SLCO1B3: variants seen among roughly 807,000 people sequenced by gnomAD.
SLCO1B3 encodes liver-specific organic anion transporter 2.
In SLCO1B3, 72 loss-of-function variants were observed where a neutral mutation model predicts 71.8. The ratio of observed to expected loss-of-function variants is 1.00; its 90% CI spans 0.83 to 1.22. SLCO1B3 has a LOEUF of 1.22. Among genes scored for constraint, SLCO1B3 ranks in the 50% most tolerant of loss-of-function variants. SLCO1B3 has a pLI of 0.00. For missense variants in SLCO1B3, 911 were observed against 819.7 expected, an observed-to-expected ratio of 1.11 and a Z score of -1.36; for synonymous variants, 298 against 278.4, an observed-to-expected ratio of 1.07 and a Z score of -0.70.
chr12:20,857,219 T>G (rs1865158410), intron 4 of SLCO1B3, among the ~76,000 whole-genome samples: 2 of 152,126 alleles, frequency 1.3e-5, no homozygotes, highest in Admixed American at 6.6e-5. Context: ...ATCCAAAAAT[T>G]TACTAGCATG....
At chr12:20,849,793 A>G (rs1047227611) in intron 3 of SLCO1B3, among the ~76,000 whole-genome samples, 1 of 151,900 alleles carries the variant, frequency 6.6e-6, no homozygotes, top group Non-Finnish European at 1.5e-5. Context: ...AAAAATAATT[A>G]AAGGAGTAAA....
intron 2 of SLCO1B3, among the ~76,000 whole-genome samples, chr12:20,814,910 A>T (rs1864164344): frequency 6.6e-6 from 1 of 151,144 alleles, no homozygotes. Context: ...AAAAAAAAAT[A>T]AAAAAGCATA....
At chr12:20,912,532 CTTTTT>C (rs986246227) in intron 15 of SLCO1B3, among the ~76,000 whole-genome samples, 7 of 107,058 alleles carry the variant, frequency 6.5e-5, no homozygotes, top group African/African-American at 2.5e-4. Context: ...CTTTTCTTTT[CTTTTT>C]TTTCAGATGG....
At position 20,815,749 on chromosome 12, in the gene SLCO1B3, A is replaced by G. The variant is rs61612406; in HGVS notation, c.11A>G (p.His4Arg). MDQ[H>R]QHLNKTAESA... ...ATCTGTAGTTTAATAATGGACCAAC[A>G]TCAACATTTGAATAAAACAGCAGAG... is the stretch of plus-strand genomic sequence containing the variant. The change falls in exon 3 of 16, where the codon CAT becomes CGT. Residue 4 changes from histidine (H) to arginine (R), a missense_variant. Physicochemically the swap from His to Arg is conservative, Grantham distance 29. Transcript: ENST00000381545. 1.2e-3 allele frequency: 1,936 copies of G among 1,590,812 alleles called. 25 individuals carry two copies. In the African/African-American group the frequency reaches 0.023, roughly 19 times the overall value.
At chr12:20,826,250 G>T (rs1272885203) in intron 3 of SLCO1B3, among the ~76,000 whole-genome samples, 1 of 151,906 alleles carries the variant, frequency 6.6e-6, no homozygotes, top group East Asian at 1.9e-4. Context: ...ATAATGTCAG[G>T]CCACAATAGC....
chr12:20,856,863 A>G (rs1230249130), intron 4 of SLCO1B3, among the ~76,000 whole-genome samples: 1 of 152,116 alleles, frequency 6.6e-6, no homozygotes, highest in Non-Finnish European at 1.5e-5. Flanking sequence ...TCCAGGCAAT[A>G]CTACACCTTT....
chr12:20,839,968 T>C (rs538818096), intron 3 of SLCO1B3, among the ~76,000 whole-genome samples: 1 of 152,344 alleles, frequency 6.6e-6, no homozygotes, highest in African/African-American at 2.4e-5. Flanking sequence ...GAATTACTTA[T>C]TTCTGCTACA....
At chr12:20,856,539 T>TA (rs1322980955) in intron 4 of SLCO1B3, among the ~76,000 whole-genome samples, 1 of 152,186 alleles carries the variant, frequency 6.6e-6, no homozygotes, top group East Asian at 1.9e-4. Flanking sequence ...TGATAGGTTT[T>TA]ATGAAATACT....
chr12:20,912,514 T>G (rs11537390), intron 15 of SLCO1B3, among the ~76,000 whole-genome samples: 4 of 114,942 alleles, frequency 3.5e-5, no homozygotes, highest in African/African-American at 1.3e-4. Flanking sequence ...TTTTTTTTTG[T>G]ATTTTTTCTT....
rs936035903 is a variant in SLCO1B3, at chr12:20,916,421, A to G, written c.*174A>G. ...TAGCTATGCCTTTATGGTTAAGATT[A>G]GAATATATGATCCATAAAAATTTAA... On this transcript the variant is annotated 3_prime_UTR_variant, in exon 16 of 16. Coordinates refer to ENST00000381545, the MANE Select transcript of SLCO1B3 (RefSeq NM_019844.4). 8 of 533,900 alleles carry G rather than the reference A, an allele frequency of 1.5e-5. No individual in the cohort carries two copies. The African/African-American group carries it at 1.5e-4, about 10-fold the overall frequency. 33.1% of individuals were successfully genotyped at this position (533,900 alleles called of 1,614,324 possible).
At chr12:20,822,254 C>G (rs1864327832) in intron 3 of SLCO1B3, among the ~76,000 whole-genome samples, 1 of 152,140 alleles carries the variant, frequency 6.6e-6, no homozygotes, top group African/African-American at 2.4e-5. Flanking sequence ...TTTATTTCAC[C>G]TGGATGCGGT....
In SLCO1B3 at chr12:20,831,615, C is replaced by T. The variant is rs553851327; in HGVS notation, c.84+15793C>T. On this transcript the variant is annotated intron_variant, in intron 3 of 15. Transcript: ENST00000381545. ...ATTCATGAGGAACAAAAATGTAATG[C>T]GATAAAATTTTTAAATTATCAGTAT... Among the ~76,000 whole-genome samples, 374 of 152,076 alleles carry T rather than the reference C, an allele frequency of 2.5e-3. 1 individual carries two copies. Among genetic ancestry groups the T allele is most frequent in the Non-Finnish European group, 4.0e-3 (275 of 68,006 alleles).
At chr12:20,874,519 A>G (rs1591774158) in intron 8 of SLCO1B3, among the ~76,000 whole-genome samples, 2 of 152,194 alleles carry the variant, frequency 1.3e-5, no homozygotes, top group Non-Finnish European at 2.9e-5. Context: ...TCATGGATGC[A>G]TTCCTGTTAC....
chr12:20,838,320 T>C (rs909080174), intron 3 of SLCO1B3, among the ~76,000 whole-genome samples: 2 of 152,038 alleles, frequency 1.3e-5, no homozygotes, highest in African/African-American at 4.8e-5. Context: ...CTCCATCCAT[T>C]TACTTTTATT....
chr12:20,913,925 G>T (rs896169949), intron 15 of SLCO1B3, among the ~76,000 whole-genome samples: 9 of 151,858 alleles, frequency 5.9e-5, no homozygotes, highest in African/African-American at 1.7e-4. Context: ...CTAATTTTTT[G>T]ATTTTTTGTT....
intron 3 of SLCO1B3, among the ~76,000 whole-genome samples, chr12:20,829,238 A>C (rs1309462953): frequency 6.6e-6 from 1 of 152,238 alleles, no homozygotes; most frequent in Non-Finnish European, 1.5e-5. Context: ...GCTAGTTGCT[A>C]ATCTTAACTT....
chr12:20,855,302 G>C (rs1865111457), intron 4 of SLCO1B3, 133 bp downstream of exon 4: 1 of 757,054 alleles, frequency 1.3e-6, no homozygotes, highest in Non-Finnish European at 2.1e-6. Context: ...CAATATGTTA[G>C]GATATTTTTG....
chr12:20,852,872 A>T lies in SLCO1B3; in HGVS notation c.85-2156A>T, dbSNP rs184799138. ...AAGATGATGTCATCTGTGAACAGAG[A>T]TAATTTTATTTCTTTTCCAATCTGA... On this transcript the variant is annotated intron_variant, in intron 3 of 15. Transcript: ENST00000381545. Among the ~76,000 whole-genome samples the T allele has an allele frequency of 3.0e-3, 454 of 152,182 alleles. 10 individuals are homozygous for T. Among genetic ancestry groups the T allele is most frequent in the Admixed American group, 0.019 (289 of 15,286 alleles).
chr12:20,903,073 C>CAAAAAA (rs55777703), intron 15 of SLCO1B3, among the ~76,000 whole-genome samples: 3,041 of 128,426 alleles, frequency 0.024, 64 homozygotes, highest in Middle Eastern at 0.044. Flanking sequence ...GATTCCATCT[C>CAAAAAA]AAAAAAAAAA....
Sources: gnomAD v4.1 joint callset for allele counts (sites outside exome capture counted in the v4.1 genomes callset) on GRCh38, gnomAD v4.1.1 for gene constraint, MANE v1.5 for transcripts, NCBI Gene and HGNC (gene_info 2026-07-23, HGNC 2026-07-21) for gene names.